Variants in SGCD observed in about 807,000 individuals in gnomAD.
The protein encoded by SGCD is sarcoglycan delta.
SGCD carries 18 observed loss-of-function variants against 36.6 expected under a neutral mutation model. The ratio of observed to expected loss-of-function variants is 0.49; its 90% confidence interval spans 0.34 to 0.73. The LOEUF is 0.73. Among genes scored for constraint, SGCD ranks in the 30% least tolerant of loss-of-function variants. The pLI is 0.01. For synonymous variants in SGCD, 133 were observed against 130.6 expected (o/e 1.02, Z -0.12); for missense variants, 387 against 346.7 (o/e 1.12, Z -0.92).
rs551092992 is a variant in SGCD at position 156,428,231 on chromosome 5, G to T, written c.193-80370G>T. Among the ~76,000 whole-genome samples, 3 of 152,084 alleles carry T rather than the reference G, an allele frequency of 2.0e-5. No homozygotes were observed. In the East Asian group the frequency reaches 5.8e-4, roughly 29 times the overall value. On this transcript the variant is annotated intron_variant, in intron 3 of 8. Transcript: ENST00000337851. ...CAATCTTGCTGCTTGTTATTGGTCT[G>T]TTAAGGGTATCTAATTCTTCCTGAT...
At chr5:156,325,864 T>A (rs1184746956), upstream of SGCD, among the ~76,000 whole-genome samples, 2 of 152,104 alleles carry the variant, frequency 1.3e-5, no homozygotes, top group African/African-American at 4.8e-5. Flanking sequence ...CCCACCCCAC[T>A]GCTTCCCAAG....
intron 4 of SGCD, among the ~76,000 whole-genome samples, chr5:156,540,993 A>C (rs1437554393): frequency 6.6e-6 from 1 of 152,202 alleles, no homozygotes; most frequent in African/African-American, 2.4e-5. Context: ...TGAAGAAGAC[A>C]AAGTGTGACG....
chr5:156,125,252 G>A (rs1036815466), intron 3 of SGCD, among the ~76,000 whole-genome samples: 1 of 152,124 alleles, frequency 6.6e-6, no homozygotes, highest in Non-Finnish European at 1.5e-5. Context: ...TGTGGCATTG[G>A]CTCTCTTCTT....
At chr5:156,749,360 A>AAAAC (rs1388612684) in intron 7 of SGCD, among the ~76,000 whole-genome samples, 2 of 152,188 alleles carry the variant, frequency 1.3e-5, no homozygotes, top group African/African-American at 4.8e-5. Flanking sequence ...AAAAATTAAC[A>AAAAC]AAACAGCACA....
At chr5:156,267,024 TATTA>T (rs1388505950) in intron 3 of SGCD, among the ~76,000 whole-genome samples, 1 of 152,086 alleles carries the variant, frequency 6.6e-6, no homozygotes, top group Non-Finnish European at 1.5e-5. Flanking sequence ...GTATTGAAAA[TATTA>T]ATTGTGTTCT....
At chr5:156,450,700 C>T (rs947040272) in intron 3 of SGCD, among the ~76,000 whole-genome samples, 2 of 152,010 alleles carry the variant, frequency 1.3e-5, no homozygotes, top group Non-Finnish European at 2.9e-5. Context: ...CACTGGCATT[C>T]ATTTTCAAAT....
At position 156,670,403 on chromosome 5, in the gene SGCD, T is replaced by C. The variant is rs776252623; in HGVS notation, c.575+22867T>C. Among the ~76,000 whole-genome samples, 23 of 152,324 alleles carry C rather than the reference T, an allele frequency of 1.5e-4. No individual in the cohort carries two copies. The Middle Eastern group carries it at 0.01, about 68-fold the overall frequency. ...AGCCACTGTCATTTATTATGGAAAG[T>C]GTGTGGGGTATATTCTGTTATTCTT... is the stretch of plus-strand genomic sequence containing the variant. On this transcript the variant is annotated intron_variant, in intron 7 of 8. Transcript: ENST00000337851.
intron 4 of SGCD, among the ~76,000 whole-genome samples, chr5:156,566,253 A>AT (rs942117027): frequency 1.3e-5 from 2 of 152,154 alleles, no homozygotes; most frequent in Non-Finnish European, 2.9e-5. Context: ...AATAAATTCA[A>AT]TTTTTTAAAA....
chr5:156,751,210 G>A (rs1757138384), intron 7 of SGCD, among the ~76,000 whole-genome samples: 1 of 152,132 alleles, frequency 6.6e-6, no homozygotes, highest in African/African-American at 2.4e-5. Flanking sequence ...GAGCCATAAA[G>A]GTATGGGAAT....
intron 7 of SGCD, among the ~76,000 whole-genome samples, chr5:156,711,987 G>A (rs1348579782): frequency 1.3e-5 from 2 of 152,182 alleles, no homozygotes; most frequent in African/African-American, 4.8e-5. Flanking sequence ...CTAACTTCCT[G>A]ATGTTGCCAT....
chr5:156,490,046 G>A lies in SGCD; in HGVS notation c.193-18555G>A, dbSNP rs141873999. ...ACAAAGGAGACATTACAACTGATCCGACACAAATGCAAGGATAAAGACTAT... is the reference window on the plus strand; with the variant it reads ...ACAAAGGAGACATTACAACTGATCCAACACAAATGCAAGGATAAAGACTAT... On this transcript the variant is annotated intron_variant, in intron 3 of 8. Coordinates refer to ENST00000337851, the MANE Select transcript of SGCD (RefSeq NM_000337.6). Among the ~76,000 whole-genome samples, 8 of 151,892 alleles carry A rather than the reference G, an allele frequency of 5.3e-5. No homozygotes were observed. The East Asian group carries it at 1.2e-3, about 22-fold the overall frequency.
the SGCD span, among the ~76,000 whole-genome samples, chr5:155,791,473 C>G: frequency 6.6e-6 from 1 of 152,156 alleles, no homozygotes. Flanking sequence ...CAAACTATCT[C>G]TCTTTGCTGA....
At chr5:156,460,010 A>G (rs1754417116) in intron 3 of SGCD, among the ~76,000 whole-genome samples, 1 of 152,218 alleles carries the variant, frequency 6.6e-6, no homozygotes, top group Non-Finnish European at 1.5e-5. Flanking sequence ...CAAAGGCATC[A>G]CTAATGGATT....
chr5:156,621,203 C>G (rs997842512), intron 6 of SGCD, among the ~76,000 whole-genome samples: 5 of 151,976 alleles, frequency 3.3e-5, no homozygotes. Flanking sequence ...ATTTTTTTTC[C>G]CCCTTTGAGA....
intron 1 of SGCD, among the ~76,000 whole-genome samples, chr5:155,920,568 A>C (rs566558157): frequency 6.6e-5 from 10 of 152,266 alleles, no homozygotes; most frequent in African/African-American, 2.4e-4. Flanking sequence ...AAAGAGAAAA[A>C]CAGAGCCAGT....
chr5:156,155,383 A>C (rs1762932327), intron 3 of SGCD, among the ~76,000 whole-genome samples: 1 of 151,474 alleles, frequency 6.6e-6, no homozygotes, highest in Non-Finnish European at 1.5e-5. Context: ...GTGTTGCCAG[A>C]CCTTTAGTGT....
At chr5:156,668,418 C>T (rs915758758) in intron 7 of SGCD, among the ~76,000 whole-genome samples, 1 of 152,140 alleles carries the variant, frequency 6.6e-6, no homozygotes, top group Non-Finnish European at 1.5e-5. Flanking sequence ...CAGTATTTCT[C>T]CAGGATGCCT....
chr5:156,611,678 C>T (rs932996173), intron 6 of SGCD, among the ~76,000 whole-genome samples: 10 of 152,100 alleles, frequency 6.6e-5, no homozygotes, highest in Non-Finnish European at 1.3e-4. Context: ...TTTTCTGTGC[C>T]TTTCTTCATC....
chr5:156,123,456 C>T (rs1762095077), intron 2 of SGCD, among the ~76,000 whole-genome samples: 1 of 152,060 alleles, frequency 6.6e-6, no homozygotes, highest in South Asian at 2.1e-4. Context: ...GCACGGTCTC[C>T]TTGTCTTGCT....
Sources: allele counts gnomAD v4.1 joint callset (sites outside exome capture counted in the v4.1 genomes callset), GRCh38; gene constraint gnomAD v4.1.1; transcripts MANE v1.5; gene names NCBI Gene and HGNC (gene_info 2026-07-23, HGNC 2026-07-21).